FHL2: variants seen among roughly 807,000 people sequenced by gnomAD.
FHL2 encodes four and a half LIM domains protein 2.
Under a neutral mutation model 32.7 loss-of-function variants are expected in FHL2, and 20 were observed. The observed-to-expected ratio is 0.61, with a 90% CI of 0.43 to 0.89. The LOEUF (loss-of-function observed/expected upper bound fraction) is 0.89. Ranked by LOEUF, FHL2 falls within the 40% of genes least tolerant of loss-of-function variation. FHL2 has a pLI of 0.00. For missense variants in FHL2, 311 were observed against 358.6 expected (o/e 0.87, Z 1.07); for synonymous variants, 123 against 128.1 (o/e 0.96, Z 0.27).
Position 105,360,922 on chromosome 2 carries a change from C to G in FHL2, c.*361G>C, listed in dbSNP as rs1680204932. The stretch of plus-strand genomic sequence containing the variant: ...GCTGTAAATAACAACTGGTCATTAC[C>G]TTATTGAGTTTAGAAAACTTTCAAG... On this transcript the variant is annotated 3_prime_UTR_variant, in exon 7 of 7. Transcript: ENST00000530340. 5.8e-6 allele frequency: 1 copy of G among 173,396 alleles called. No individual in the cohort carries two copies. The highest frequency in any genetic ancestry group is 1.7e-4 in the South Asian group (1 of 5,956). The allele number at this position is 173,396 out of a possible 1,614,324, so 10.7% of individuals were successfully genotyped here.
chr2:105,437,130 G>A (rs1043380655), intron 1 of FHL2, among the ~76,000 whole-genome samples: 1 of 152,156 alleles, frequency 6.6e-6, no homozygotes, highest in Non-Finnish European at 1.5e-5. Flanking sequence ...AGCAGTCAGG[G>A]AACCCCGTAT....
intron 4 of FHL2, among the ~76,000 whole-genome samples, chr2:105,368,660 C>T (rs1393028407): frequency 3.3e-5 from 5 of 152,196 alleles, no homozygotes; most frequent in African/African-American, 1.2e-4. Context: ...CTGCCACCAC[C>T]AAGCTGGACT....
At chr2:105,397,119 T>C (rs1395533438) in intron 1 of FHL2, among the ~76,000 whole-genome samples, 4 of 149,880 alleles carry the variant, frequency 2.7e-5, no homozygotes, top group African/African-American at 9.8e-5. Context: ...GGTCAAAGTA[T>C]GCATCATAAG....
chr2:105,384,261 T>C (rs1682125759), intron 3 of FHL2, among the ~76,000 whole-genome samples: 1 of 152,226 alleles, frequency 6.6e-6, no homozygotes, highest in African/African-American at 2.4e-5. Context: ...TCGGGCTATC[T>C]ACTTCTTCCT....
intron 5 of FHL2, 103 bp downstream of exon 5, chr2:105,367,467 A>T: frequency 8.3e-7 from 1 of 1,209,256 alleles, no homozygotes; most frequent in Non-Finnish European, 1.2e-6. Context: ...CACGCCACTT[A>T]AGTATCACAG....
At chr2:105,372,749 A>G (rs116563865) in intron 4 of FHL2, among the ~76,000 whole-genome samples, 1 of 151,900 alleles carries the variant, frequency 6.6e-6, no homozygotes, top group African/African-American at 2.4e-5. Context: ...AGATTGCACC[A>G]CTGAACCACA....
At chr2:105,368,745 AG>A (rs1384419810) in intron 4 of FHL2, among the ~76,000 whole-genome samples, 1 of 152,226 alleles carries the variant, frequency 6.6e-6, no homozygotes, top group Non-Finnish European at 1.5e-5. Context: ...ATCTATTTAT[AG>A]TAACGGATGA....
rs1398859254 is a variant in FHL2 at position 105,386,452 on chromosome 2, C to T, written c.65G>A (p.Arg22Gln). The T allele has an allele frequency of 2.5e-6, 4 of 1,614,102 alleles. No individual in the cohort carries two copies. The highest frequency in any genetic ancestry group is 2.5e-6 in the Non-Finnish European group (3 of 1,180,048). Residue 22 changes from arginine to glutamine, a missense_variant, in exon 3 of 7, where the codon CGG (arginine) becomes CAG (glutamine). Transcript: ENST00000530340. The part of the protein sequence containing the change: ...ESLFGKKYIL[R>Q]EESPYCVVCF... The stretch of plus-strand genomic sequence containing the variant: ...CACCACGCAGTAGGGGCTCTCCTCC[C>T]GCAGGATGTACTTCTTGCCAAAGAG...
intron 1 of FHL2, among the ~76,000 whole-genome samples, chr2:105,416,696 A>C (rs1170024267): frequency 6.6e-6 from 1 of 152,236 alleles, no homozygotes; most frequent in Non-Finnish European, 1.5e-5. Flanking sequence ...GATACATTTC[A>C]TTATACAATA....
chr2:105,372,974 C>T (rs765897822), intron 4 of FHL2, among the ~76,000 whole-genome samples: 1 of 152,156 alleles, frequency 6.6e-6, no homozygotes, highest in Non-Finnish European at 1.5e-5. Flanking sequence ...CATACACACA[C>T]AAAAAAACCA....
chr2:105,379,286 A>G (rs1392495002), intron 3 of FHL2, among the ~76,000 whole-genome samples: 4 of 152,210 alleles, frequency 2.6e-5, no homozygotes, highest in African/African-American at 4.8e-5. Flanking sequence ...GGATGTTAGT[A>G]TAAGTCATTA....
intron 3 of FHL2, among the ~76,000 whole-genome samples, chr2:105,384,212 A>T (rs1682121968): frequency 6.6e-6 from 1 of 152,208 alleles, no homozygotes; most frequent in Non-Finnish European, 1.5e-5. Flanking sequence ...CTACGTAAGT[A>T]TTTCTTTTCC....
chr2:105,398,911 G>T lies in FHL2; in HGVS notation c.-145C>A. 2.0e-6 allele frequency: 3 copies of T among 1,537,538 alleles called. No homozygotes were observed. The highest frequency in any genetic ancestry group is 2.6e-6 in the Non-Finnish European group (3 of 1,145,174). The stretch of plus-strand genomic sequence containing the variant: ...CACCGGATTCGGCCCCCACTTCCGA[G>T]CCCTGGTGGCTAAGCCCCTCGGCCT... On this transcript the variant is annotated 5_prime_UTR_variant, in exon 1 of 7. Transcript: ENST00000530340.
intron 2 of FHL2, among the ~76,000 whole-genome samples, chr2:105,395,563 G>A (rs1329393719): frequency 1.3e-5 from 2 of 152,170 alleles, no homozygotes; most frequent in Non-Finnish European, 2.9e-5. Context: ...ACTCTGTGGG[G>A]TTTCTCTGGC....
intron 1 of FHL2, among the ~76,000 whole-genome samples, chr2:105,418,580 C>T (rs1442900186): frequency 6.6e-6 from 1 of 152,232 alleles, no homozygotes; most frequent in Non-Finnish European, 1.5e-5. Context: ...CTGCACTTTA[C>T]ATTTTTATGA....
chr2:105,386,114 T>C, intron 3 of FHL2: 1 of 456,846 alleles, frequency 2.2e-6, no homozygotes, highest in Non-Finnish European at 3.8e-6. Context: ...ATTGCTAGAA[T>C]ACAGAAAATG....
chr2:105,392,812 C>CTTTT (rs34774107), intron 2 of FHL2, among the ~76,000 whole-genome samples: 27 of 65,958 alleles, frequency 4.1e-4, no homozygotes, highest in African/African-American at 4.9e-4. Context: ...TGCCAGGAAG[C>CTTTT]TTTTTTTTTT....
chr2:105,425,654 T>C (rs1199578080), intron 1 of FHL2, among the ~76,000 whole-genome samples: 1 of 152,028 alleles, frequency 6.6e-6, no homozygotes, highest in Non-Finnish European at 1.5e-5. Flanking sequence ...AGACGAGACA[T>C]GTTTGCAGTA....
chr2:105,391,696 T>C (rs1400350654), intron 2 of FHL2, among the ~76,000 whole-genome samples: 1 of 152,212 alleles, frequency 6.6e-6, no homozygotes, highest in Non-Finnish European at 1.5e-5. Context: ...TATCAGGGTA[T>C]CAGAGCCCAT....
Sources: allele counts gnomAD v4.1 joint callset (sites outside exome capture counted in the v4.1 genomes callset), GRCh38; gene constraint gnomAD v4.1.1; transcripts MANE v1.5; gene names NCBI Gene and HGNC (gene_info 2026-07-23, HGNC 2026-07-21).